The following RAPGEF3 variants were observed in gnomAD, a reference collection of about 807,000 sequenced individuals.
RAPGEF3 encodes 9330170P05Rik.
In RAPGEF3, 103 loss-of-function variants were observed where a neutral mutation model predicts 129.8. The observed-to-expected ratio is 0.79, with a 90% CI of 0.68 to 0.93. The LOEUF (loss-of-function observed/expected upper bound fraction) is 0.93. Ranked by LOEUF, RAPGEF3 falls within the 40% of genes least tolerant of loss-of-function variation. The pLI, the probability that RAPGEF3 is intolerant of heterozygous loss-of-function variation, is 0.00. For synonymous variants in RAPGEF3, 436 were observed against 482.6 expected (o/e 0.90, Z 1.26); for missense variants, 1,117 against 1,207.4 (o/e 0.93, Z 1.11).
At position 47,751,705 on chromosome 12, in the gene RAPGEF3, A is replaced by C. The variant is rs753579193; in HGVS notation, c.380+18T>G. ...AAGCAGTGAGGCTGGGCAAGGAGGC[A>C]GCAGGGCCTCCACTCACCGATAGAG... is the stretch of plus-strand genomic sequence containing the variant. On this transcript the variant is annotated intron_variant, in intron 4 of 27. Transcript: ENST00000449771. The C allele has an allele frequency of 1.2e-6, 2 of 1,609,518 alleles. No individual in the cohort carries two copies. The highest frequency in any genetic ancestry group is 2.2e-5 in the South Asian group (2 of 91,028).
chr12:47,739,126 G>A lies in RAPGEF3; in HGVS notation c.2461+17C>T. 1 of 1,560,040 alleles carries A rather than the reference G, an allele frequency of 6.4e-7. No individual in the cohort carries two copies. On this transcript the variant is annotated intron_variant, in intron 24 of 27. Coordinates refer to ENST00000449771, the MANE Select transcript of RAPGEF3 (RefSeq NM_001098531.4). Reference sequence around the variant, plus strand: ...GGAAGGGGGGAATGGAGGGATGGAGGCAGGAAGCCCTGTTACCTTTGAGAA... The same window carrying A: ...GGAAGGGGGGAATGGAGGGATGGAGACAGGAAGCCCTGTTACCTTTGAGAA...
Position 47,748,068 on chromosome 12 carries a change from G to A in RAPGEF3, c.1322+6C>T. ...GCACACCATCCCCCTGGAGCTGGAA[G>A]GATATTGGTGCAGAAGGGCAGCGCA... On this transcript the variant is annotated splice_donor_region_variant and intron_variant, in intron 13 of 27. Coordinates refer to ENST00000449771, the MANE Select transcript of RAPGEF3 (RefSeq NM_001098531.4). 1 of 1,577,578 alleles carries A rather than the reference G, an allele frequency of 6.3e-7. No homozygotes were observed. Among genetic ancestry groups the A allele is most frequent in the Non-Finnish European group, 8.6e-7 (1 of 1,159,752 alleles).
At position 47,749,131 on chromosome 12, in the gene RAPGEF3, C is replaced by T. The variant is rs1941596619; in HGVS notation, c.1042-200G>A. On this transcript the variant is annotated intron_variant, in intron 10 of 27. Coordinates refer to ENST00000449771, the MANE Select transcript of RAPGEF3 (RefSeq NM_001098531.4). The surrounding 1 kb of genome is among the most constrained non-coding windows in gnomAD (Gnocchi z 4.5). ...CCTGCCTCCCCCACAGCCTAGTCCC[C>T]CGCCCCCTGCATGCCCATCCTTCCC... is the stretch of plus-strand genomic sequence containing the variant. 1 of 644,346 alleles carries T rather than the reference C, an allele frequency of 1.6e-6. No individual in the cohort carries two copies. Among genetic ancestry groups the T allele is most frequent in the African/African-American group, 1.8e-5 (1 of 54,986 alleles). 39.9% of individuals were successfully genotyped at this position (644,346 alleles called of 1,614,324 possible). A position where few individuals can be genotyped will look rare whatever the true frequency, so the allele number is the denominator to read the frequency against.
intron 5 of RAPGEF3, 73 bp downstream of exon 5, chr12:47,751,326 C>T: frequency 6.3e-7 from 1 of 1,597,788 alleles, no homozygotes; most frequent in Non-Finnish European, 8.5e-7. Flanking sequence ...TGCCTGCTTC[C>T]CAGGACTGCC....
chr12:47,746,448 GA>G, intron 16 of RAPGEF3: 1 of 551,756 alleles, frequency 1.8e-6, no homozygotes, highest in South Asian at 2.5e-5. Flanking sequence ...CCCCAGCTGA[GA>G]ATGGCCTGGG....
chr12:47,752,374 G>A lies in RAPGEF3; in HGVS notation c.220-405C>T, dbSNP rs1410925087. Reference sequence around the variant, plus strand: ...AGCCAGGATGTGAGCAGCTCAGGAGGCCTGGGAACATCCGCTCCTGGGCTG... The same window carrying A: ...AGCCAGGATGTGAGCAGCTCAGGAGACCTGGGAACATCCGCTCCTGGGCTG... On this transcript the variant is annotated intron_variant, in intron 2 of 27. Coordinates refer to ENST00000449771, the MANE Select transcript of RAPGEF3 (RefSeq NM_001098531.4). 2.0e-5 allele frequency among the ~76,000 whole-genome samples: 3 copies of A among 152,314 alleles called. No individual in the cohort carries two copies. In the East Asian group the frequency reaches 5.8e-4, roughly 29 times the overall value.
intron 18 of RAPGEF3, among the ~76,000 whole-genome samples, chr12:47,742,949 TGAA>T (rs1941241890): frequency 6.6e-6 from 1 of 152,200 alleles, no homozygotes; most frequent in South Asian, 2.1e-4. Flanking sequence ...ACTAAACAAA[TGAA>T]GACTACTTAA....
chr12:47,755,681 T>G (rs2136819169), intron 2 of RAPGEF3: 1 of 152,366 alleles, frequency 6.6e-6, no homozygotes, highest in Non-Finnish European at 1.5e-5. Context: ...CCCGCTTTCA[T>G]TTTCTCTTGT....
chr12:47,747,926 G>A (rs1455798620), intron 13 of RAPGEF3, 64 bp from the exon 14 acceptor site: 5 of 1,593,390 alleles, frequency 3.1e-6, no homozygotes, highest in East Asian at 2.2e-5. Context: ...CAAAGGAGGG[G>A]CAGGATGCCC....
At chr12:47,746,464 C>T (rs1941421943) in intron 16 of RAPGEF3, 3 of 565,328 alleles carry the variant, frequency 5.3e-6, no homozygotes, top group Non-Finnish European at 9.2e-6. Flanking sequence ...CCTGGGGCCC[C>T]CTCTGACTTT....
chr12:47,744,351 A>C, intron 16 of RAPGEF3: 1 of 387,326 alleles, frequency 2.6e-6, no homozygotes, highest in Non-Finnish European at 4.7e-6. Context: ...CTAATATGAA[A>C]ATCCTTCAGC....
Position 47,743,587 on chromosome 12 carries a change from C to T in RAPGEF3, c.1768G>A (p.Ala590Thr). ...CCCTTGGTCCAGCCATCCTCCTGGG[C>T]CAACGCTGCCATCACCTCTCTCACG... ...ASVREVMAAL[A>T]QEDGWTKGQV... The change falls in exon 18 of 28, where the codon GCC (alanine) becomes ACC (threonine). Residue 590 changes from alanine to threonine, a missense_variant. Ala to Thr is a moderately conservative substitution (Grantham distance 58). This residue lies in a region of RAPGEF3 where 643 missense variants were observed against 673.4 expected (regional missense o/e 0.95). Coordinates refer to ENST00000449771, the MANE Select transcript of RAPGEF3 (RefSeq NM_001098531.4). The T allele has an allele frequency of 6.2e-7, 1 of 1,614,186 alleles. No homozygotes were observed. Among genetic ancestry groups the T allele is most frequent in the South Asian group, 1.1e-5 (1 of 91,078 alleles).
rs1053086636 is a variant in RAPGEF3, at chr12:47,735,889, C to T, written c.*1678G>A. 1.3e-5 allele frequency: 2 copies of T among 152,346 alleles called. No homozygotes were observed. The highest frequency in any genetic ancestry group is 4.8e-5 in the African/African-American group (2 of 41,470). 9.4% of individuals were successfully genotyped at this position (152,346 alleles called of 1,614,324 possible). ...GCTTGAGCCTCCTGTCCTGATTGCT[C>T]AGTTCCAGATGCTTCCGTGCTTCTC... On this transcript the variant is annotated 3_prime_UTR_variant, in exon 28 of 28. Coordinates refer to ENST00000449771, the MANE Select transcript of RAPGEF3 (RefSeq NM_001098531.4).
chr12:47,737,411 AGG>A lies in RAPGEF3; in HGVS notation c.*154_*155del. 1 of 641,806 alleles carries A rather than the reference AGG, an allele frequency of 1.6e-6. No individual in the cohort carries two copies. Among genetic ancestry groups the A allele is most frequent in the East Asian group, 2.8e-5 (1 of 36,360 alleles). 39.8% of individuals were successfully genotyped at this position (641,806 alleles called of 1,614,324 possible). A position where few individuals can be genotyped will look rare whatever the true frequency, so the allele number is the denominator to read the frequency against. ...GTCCTCCTTAGCTGCCAGTCATCAC[AGG>A]GGATGGCTGCCTCCACACTGCCTGC... is the stretch of plus-strand genomic sequence containing the variant. On this transcript the variant is annotated 3_prime_UTR_variant, in exon 28 of 28. Transcript: ENST00000449771.
intron 18 of RAPGEF3, 178 bp from the exon 19 acceptor site, chr12:47,741,780 C>A: frequency 1.6e-6 from 1 of 612,658 alleles, no homozygotes; most frequent in Non-Finnish European, 3.0e-6. Context: ...GCCACGCAGC[C>A]CAGGGAAGCA....
chr12:47,741,109 G>C, intron 19 of RAPGEF3, 69 bp from the exon 20 acceptor site: 4 of 1,539,968 alleles, frequency 2.6e-6, no homozygotes, highest in Non-Finnish European at 3.5e-6. Flanking sequence ...AGGGGGAGAG[G>C]GTTGGGGCAA....
At chr12:47,752,838 G>A (rs1014697265) in intron 2 of RAPGEF3, 1 of 152,220 alleles carries the variant, frequency 6.6e-6, no homozygotes, top group Non-Finnish European at 1.5e-5. Flanking sequence ...AGTCCTTGGT[G>A]GCACACAGGA....
rs537462228 is a variant in RAPGEF3, at chr12:47,737,573, C to T, written c.2766G>A (p.Glu922=). ...RELSRLSREL[E]P ...CTCCAGTCCCAGCCCCTCCTCATGG[C>T]TCCAGCTCTCGGGAGAGGCGGGAGA... Residue 922 remains glutamate (E), a synonymous_variant, in exon 28 of 28, where the codon GAG becomes GAA. Coordinates refer to ENST00000449771, the MANE Select transcript of RAPGEF3 (RefSeq NM_001098531.4). 3.1e-6 allele frequency: 5 copies of T among 1,612,148 alleles called. No individual in the cohort carries two copies. Among genetic ancestry groups the T allele is most frequent in the Admixed American group, 1.7e-5 (1 of 59,834 alleles).
intron 27 of RAPGEF3, 94 bp downstream of exon 27, chr12:47,737,928 T>G: frequency 6.8e-7 from 1 of 1,468,728 alleles, no homozygotes; most frequent in Non-Finnish European, 9.5e-7. Context: ...CCGGGCTCCG[T>G]GCCTGGCACA....
Sources: gnomAD v4.1 joint callset for allele counts (sites outside exome capture counted in the v4.1 genomes callset) on GRCh38, gnomAD v4.1.1 for gene constraint, gnomAD v4.1.1 regional missense constraint, Gnocchi (gnomAD v3.1) non-coding constraint, MANE v1.5 for transcripts, NCBI Gene and HGNC (gene_info 2026-07-23, HGNC 2026-07-21) for gene names.